Variants in NEDD4L observed in about 807,000 individuals in gnomAD.
The protein encoded by NEDD4L is E3 ubiquitin-protein ligase NEDD4-like.
In NEDD4L, 54 loss-of-function variants were observed where a neutral mutation model predicts 148.9. That is an observed-to-expected ratio of 0.36 (90% CI 0.29 to 0.45). NEDD4L has a LOEUF of 0.45. Ranked by LOEUF, NEDD4L falls within the 20% of genes least tolerant of loss-of-function variation. NEDD4L has a pLI of 1.00. For missense variants in NEDD4L, 856 were observed against 1,233.8 expected (o/e 0.69, Z 4.59); for synonymous variants, 433 against 440.7 (o/e 0.98, Z 0.22).
intron 1 of NEDD4L, among the ~76,000 whole-genome samples, chr18:58,065,551 G>A (rs1447137647): frequency 6.6e-6 from 1 of 152,234 alleles, no homozygotes; most frequent in Non-Finnish European, 1.5e-5. Context: ...TGTTTTAAGA[G>A]ATACGCTGGA....
chr18:58,177,229 T>C (rs1397182190), intron 2 of NEDD4L, among the ~76,000 whole-genome samples: 1 of 152,158 alleles, frequency 6.6e-6, no homozygotes, highest in African/African-American at 2.4e-5. Flanking sequence ...TGCATTCTGT[T>C]TGTCTCACTG....
chr18:58,186,550 C>T (rs893939039), intron 2 of NEDD4L, among the ~76,000 whole-genome samples: 2 of 152,188 alleles, frequency 1.3e-5, no homozygotes, highest in African/African-American at 2.4e-5. Context: ...ATACATGAGG[C>T]AGCAGAGGCT....
chr18:58,199,043 C>T (rs569112202), intron 2 of NEDD4L, among the ~76,000 whole-genome samples: 14 of 152,312 alleles, frequency 9.2e-5, no homozygotes, highest in South Asian at 4.1e-4. Flanking sequence ...CCGCCTGCCT[C>T]GGTCTCCCAA....
In NEDD4L at chr18:58,396,406, A is replaced by G. The variant is rs914660614; in HGVS notation, c.*137A>G. On this transcript the variant is annotated 3_prime_UTR_variant, in exon 31 of 31. Coordinates refer to ENST00000400345, the MANE Select transcript of NEDD4L (RefSeq NM_001144967.3). ...CCCTGGAGCCGAGCCTTCACCACGC[A>G]CTCGTCCAAGTTCGGATGCGGGAAC... 3.3e-6 allele frequency: 2 copies of G among 598,690 alleles called. No individual in the cohort carries two copies. Among genetic ancestry groups the G allele is most frequent in the Admixed American group, 2.8e-5 (1 of 35,852 alleles). The allele number at this position is 598,690 out of a possible 1,614,324, so 37.1% of individuals were successfully genotyped here.
At chr18:58,298,057 C>T (rs1437470207) in intron 5 of NEDD4L, among the ~76,000 whole-genome samples, 1 of 152,080 alleles carries the variant, frequency 6.6e-6, no homozygotes, top group Non-Finnish European at 1.5e-5. Flanking sequence ...TCTGGGTTAA[C>T]AAGTATGATT....
At chr18:58,136,635 C>T (rs956933820) in intron 1 of NEDD4L, among the ~76,000 whole-genome samples, 2 of 152,020 alleles carry the variant, frequency 1.3e-5, no homozygotes, top group African/African-American at 4.8e-5. Context: ...TTAAGTAAAA[C>T]TTAACAGGTT....
chr18:58,254,347 A>C (rs2048256571), intron 5 of NEDD4L, among the ~76,000 whole-genome samples: 1 of 152,126 alleles, frequency 6.6e-6, no homozygotes, highest in Non-Finnish European at 1.5e-5. Context: ...GTAAGTTTAA[A>C]ATACAGAATA....
chr18:58,054,228 G>A (rs1174274814), intron 1 of NEDD4L, among the ~76,000 whole-genome samples: 2 of 152,236 alleles, frequency 1.3e-5, no homozygotes, highest in East Asian at 3.8e-4. Context: ...GTCCCACAGC[G>A]TGACAGGCTC....
intron 24 of NEDD4L, among the ~76,000 whole-genome samples, chr18:58,373,615 C>A (rs2047177519): frequency 6.6e-6 from 1 of 152,310 alleles, no homozygotes; most frequent in East Asian, 1.9e-4. Flanking sequence ...GATGTAAATA[C>A]ATGACCAGGA....
At chr18:58,090,918 T>G (rs2084038573) in intron 1 of NEDD4L, 1 of 152,254 alleles carries the variant, frequency 6.6e-6, no homozygotes, top group South Asian at 2.1e-4. Flanking sequence ...TCTAAAAGTC[T>G]TTGAGTCCAA....
rs577731926 is a variant in NEDD4L at position 58,287,094 on chromosome 18, C to CT, written c.298-28874dup. On this transcript the variant is annotated intron_variant, in intron 5 of 30. Transcript: ENST00000400345. Reference sequence around the variant, plus strand: ...GAGCTGTTTTAAAGCACTTCTTTTTCTTTTTTTTTTTTTTGTTTTTTTCTG... The same window carrying CT: ...GAGCTGTTTTAAAGCACTTCTTTTTCTTTTTTTTTTTTTTTGTTTTTTTCTG... Among the ~76,000 whole-genome samples, 822 of 136,458 alleles carry CT rather than the reference C, an allele frequency of 6.0e-3. 4 individuals carry two copies. The highest frequency in any genetic ancestry group is 0.014 in the South Asian group (61 of 4,242). The allele number at this position is 136,458 out of a possible 152,430, so 89.5% of individuals were successfully genotyped here.
At chr18:58,347,558 T>C (rs1386373522) in intron 16 of NEDD4L, among the ~76,000 whole-genome samples, 1 of 152,172 alleles carries the variant, frequency 6.6e-6, no homozygotes, top group Non-Finnish European at 1.5e-5. Flanking sequence ...ACCTTCTCAA[T>C]CCTAAATCAG....
chr18:58,341,747 C>A lies in NEDD4L; in HGVS notation c.1327C>A (p.Arg443=). 1 of 1,613,854 alleles carries A rather than the reference C, an allele frequency of 6.2e-7. No individual in the cohort carries two copies. Among genetic ancestry groups the A allele is most frequent in the Middle Eastern group, 1.6e-4 (1 of 6,062 alleles). Residue 443 remains arginine (R), a synonymous_variant, in exon 15 of 31, where the codon CGG becomes AGG. Coordinates refer to ENST00000400345, the MANE Select transcript of NEDD4L (RefSeq NM_001144967.3). ...CCATCTAATCGAGCCTCAGATCCGC[C>A]GGCCTCGTAGCCTCAGCTCGCCAAC... ...NNHLIEPQIR[R]PRSLSSPTVT... is the part of the protein sequence containing the mutation.
intron 22 of NEDD4L, 43 bp from the exon 23 acceptor site, chr18:58,370,354 T>C: frequency 8.6e-7 from 1 of 1,162,024 alleles, no homozygotes; most frequent in South Asian, 1.2e-5. Context: ...TACATAGCAG[T>C]GTCAAAGACC....
chr18:58,060,121 A>C, intron 1 of NEDD4L, among the ~76,000 whole-genome samples: 1 of 136,180 alleles, frequency 7.3e-6, no homozygotes, highest in Non-Finnish European at 1.6e-5. Context: ...GGAGTGCTTC[A>C]AGCAGGGGTT....
chr18:58,375,632 T>TTC (rs1462409566), intron 24 of NEDD4L, among the ~76,000 whole-genome samples: 2 of 152,010 alleles, frequency 1.3e-5, no homozygotes, highest in African/African-American at 2.4e-5. Context: ...TGCATTCTCA[T>TTC]TCTCTCTCCC....
chr18:58,346,156 G>A (rs2043044065), intron 16 of NEDD4L, among the ~76,000 whole-genome samples: 1 of 152,196 alleles, frequency 6.6e-6, no homozygotes, highest in South Asian at 2.1e-4. Context: ...AGGGGCTTGG[G>A]AGGGATGTAC....
intron 2 of NEDD4L, among the ~76,000 whole-genome samples, chr18:58,185,535 A>G (rs1046251631): frequency 2.0e-5 from 3 of 152,218 alleles, no homozygotes; most frequent in South Asian, 4.1e-4. Context: ...TTGGAGGGCA[A>G]TTAAGTGGGT....
intron 1 of NEDD4L, among the ~76,000 whole-genome samples, chr18:58,092,705 C>T (rs969627006): frequency 4.6e-5 from 7 of 151,018 alleles, no homozygotes; most frequent in Non-Finnish European, 5.9e-5. Flanking sequence ...TAGAAGAGTT[C>T]GTGTAAGAGC....
Sources: allele counts gnomAD v4.1 joint callset (sites outside exome capture counted in the v4.1 genomes callset), GRCh38; gene constraint gnomAD v4.1.1; transcripts MANE v1.5; gene names NCBI Gene and HGNC (gene_info 2026-07-23, HGNC 2026-07-21).